Variants in MYPN observed in about 807,000 individuals in gnomAD.
The protein encoded by MYPN is sarcomeric protein myopalladin, 145 kDa (MYOP).
Under a neutral mutation model 129.4 loss-of-function variants are expected in MYPN, and 63 were observed. The observed-to-expected ratio is 0.49, with a 90% CI of 0.40 to 0.60. The LOEUF (loss-of-function observed/expected upper bound fraction) is 0.60, where lower values mean the gene tolerates loss of function less well. Ranked by LOEUF, MYPN falls within the 20% of genes least tolerant of loss-of-function variation. MYPN has a pLI of 0.00. For synonymous variants in MYPN, 629 were observed against 600.9 expected (o/e 1.05, Z -0.68); for missense variants, 1,596 against 1,635.4 (o/e 0.98, Z 0.42).
intron 19 of MYPN, among the ~76,000 whole-genome samples, chr10:68,208,913 G>A (rs1291826236): frequency 6.6e-6 from 1 of 152,178 alleles, no homozygotes; most frequent in Non-Finnish European, 1.5e-5. Flanking sequence ...GAAGGGCTAA[G>A]AGATGGAGGG....
chr10:68,108,053 T>G (rs1337702432), upstream of MYPN, among the ~76,000 whole-genome samples: 3 of 152,196 alleles, frequency 2.0e-5, no homozygotes, highest in Non-Finnish European at 1.5e-5. Flanking sequence ...GAAGGACAAT[T>G]AAGTGGTCTT....
Position 68,195,499 on chromosome 10 carries a change from G to A in MYPN, c.3125G>A (p.Arg1042His), listed in dbSNP as rs140439935. 26 of 1,613,916 alleles carry A rather than the reference G, an allele frequency of 1.6e-5. No homozygotes were observed. The East Asian group carries it at 1.8e-4, about 11-fold the overall frequency. ...TTGATGGTACAAAGTTTGCCCATTC[G>A]CAGTCGGCTAACCTCTGCTGGTCAG... ...GHLMVQSLPI[R>H]SRLTSAGQSH... is the part of the protein sequence containing the mutation. Residue 1042 changes from arginine (R) to histidine (H), a missense_variant, in exon 15 of 20, where the codon CGC becomes CAC. Arg to His is a conservative substitution (Grantham distance 29, BLOSUM62 0). Transcript: ENST00000358913.
At chr10:68,144,142 TG>T (rs1223581894) in intron 3 of MYPN, among the ~76,000 whole-genome samples, 16 of 152,314 alleles carry the variant, frequency 1.1e-4, no homozygotes, top group African/African-American at 3.4e-4. Flanking sequence ...CTGGGAACAC[TG>T]GAAAGGCATT....
chr10:68,126,293 CA>C (rs2042325196), intron 2 of MYPN, among the ~76,000 whole-genome samples: 1 of 152,044 alleles, frequency 6.6e-6, no homozygotes, highest in Non-Finnish European at 1.5e-5. Flanking sequence ...TTTTATATAG[CA>C]GAGAGGACAC....
intron 2 of MYPN, among the ~76,000 whole-genome samples, chr10:68,130,469 G>GAA (rs765386857): frequency 4.8e-5 from 5 of 104,798 alleles, no homozygotes; most frequent in Admixed American, 1.0e-4. Flanking sequence ...TCATCCTCTC[G>GAA]AAAAAAAAAA....
intron 12 of MYPN, among the ~76,000 whole-genome samples, chr10:68,185,364 C>T (rs1467081850): frequency 6.6e-6 from 1 of 152,050 alleles, no homozygotes; most frequent in Non-Finnish European, 1.5e-5. Flanking sequence ...TTTTAGAAAA[C>T]AATAACATTT....
chr10:68,131,274 A>T (rs1252756439), intron 2 of MYPN, among the ~76,000 whole-genome samples: 1 of 151,830 alleles, frequency 6.6e-6, no homozygotes, highest in African/African-American at 2.4e-5. Flanking sequence ...CTGCAGTCTC[A>T]GTTACTTGGG....
At chr10:68,206,006 C>T (rs927272138) in intron 18 of MYPN, among the ~76,000 whole-genome samples, 1 of 152,160 alleles carries the variant, frequency 6.6e-6, no homozygotes, top group African/African-American at 2.4e-5. Flanking sequence ...ATCCTTTGAG[C>T]TCAGGAAGCC....
At chr10:68,178,478 G>A (rs1485242241) in intron 12 of MYPN, among the ~76,000 whole-genome samples, 2 of 152,060 alleles carry the variant, frequency 1.3e-5, no homozygotes, top group Admixed American at 1.3e-4. Context: ...ACTTTGGGAG[G>A]CCGAGACAGG....
intron 15 of MYPN, 136 bp downstream of exon 15, chr10:68,195,668 T>G: frequency 1.3e-6 from 1 of 761,740 alleles, no homozygotes; most frequent in Non-Finnish European, 2.3e-6. Context: ...CACCTGGGCG[T>G]TGGTTGGAAA....
Position 68,175,333 on chromosome 10 carries a change from G to A in MYPN, c.2575G>A (p.Gly859Arg), listed in dbSNP as rs747848627. ...PRSAPSMPSQ[G>R]LAKKNTKSPQ... ...GGATTTATCTTACAGGCCATCCCAGGGATTAGCGAAGAAAAATACAAAGTC... is the reference window on the plus strand; with the variant it reads ...GGATTTATCTTACAGGCCATCCCAGAGATTAGCGAAGAAAAATACAAAGTC... The change falls in exon 12 of 20, where the codon GGA becomes AGA. Residue 859 changes from glycine (G) to arginine (R), a missense_variant. Coordinates refer to ENST00000358913, the MANE Select transcript of MYPN (RefSeq NM_032578.4). 2 of 1,613,752 alleles carry A rather than the reference G, an allele frequency of 1.2e-6. No individual in the cohort carries two copies. The highest frequency in any genetic ancestry group is 1.7e-6 in the Non-Finnish European group (2 of 1,179,948).
chr10:68,193,942 G>T (rs1021918365), intron 13 of MYPN, among the ~76,000 whole-genome samples: 1 of 152,032 alleles, frequency 6.6e-6, no homozygotes, highest in African/African-American at 2.4e-5. Context: ...AAGGTGACTT[G>T]TTCTAAGTGC....
intron 6 of MYPN, among the ~76,000 whole-genome samples, chr10:68,154,725 C>A (rs950601190): frequency 1.3e-5 from 2 of 152,214 alleles, no homozygotes; most frequent in Admixed American, 6.5e-5. Context: ...TAGCTGACAT[C>A]TTTTAACCAA....
At chr10:68,115,186 G>C (rs944203852) in intron 1 of MYPN, among the ~76,000 whole-genome samples, 7 of 150,308 alleles carry the variant, frequency 4.7e-5, no homozygotes, top group Admixed American at 2.0e-4. Context: ...TTGAACCCAG[G>C]AGGCAGAGGT....
At chr10:68,122,869 T>G (rs1334223472) in intron 2 of MYPN, among the ~76,000 whole-genome samples, 1 of 151,974 alleles carries the variant, frequency 6.6e-6, no homozygotes, top group Non-Finnish European at 1.5e-5. Flanking sequence ...GCCACTGCTC[T>G]CCAGCCCGGG....
At chr10:68,209,549 C>A (rs970533470) in intron 19 of MYPN, among the ~76,000 whole-genome samples, 6 of 152,012 alleles carry the variant, frequency 3.9e-5, no homozygotes, top group Admixed American at 2.0e-4. Context: ...GAGGTACCCT[C>A]TTTGAGAGCC....
chr10:68,164,128 G>C (rs529441998), intron 8 of MYPN, among the ~76,000 whole-genome samples: 5 of 152,154 alleles, frequency 3.3e-5, no homozygotes, highest in Non-Finnish European at 5.9e-5. Flanking sequence ...TGCTGTGACC[G>C]AATACCTGAA....
intron 1 of MYPN, among the ~76,000 whole-genome samples, chr10:68,091,450 G>A (rs138014258): frequency 0.016 from 2,079 of 128,050 alleles, 71 homozygotes; most frequent in African/African-American, 0.06. Context: ...GCTGGAGTGT[G>A]TTGGTGCAAT....
intron 12 of MYPN, among the ~76,000 whole-genome samples, chr10:68,187,819 C>T (rs1000304649): frequency 1.3e-5 from 2 of 151,986 alleles, no homozygotes; most frequent in South Asian, 4.2e-4. Context: ...TGGTGTGTCA[C>T]GGAAGGAAAT....
Sources: gnomAD v4.1 joint callset for allele counts (sites outside exome capture counted in the v4.1 genomes callset) on GRCh38, gnomAD v4.1.1 for gene constraint, MANE v1.5 for transcripts, NCBI Gene and HGNC (gene_info 2026-07-23, HGNC 2026-07-21) for gene names.